COL19A1: variants seen among roughly 807,000 people sequenced by gnomAD.
COL19A1 encodes the protein collagen alpha-1(XIX) chain.
In COL19A1, 159 loss-of-function variants were observed where a neutral mutation model predicts 190.2. The observed-to-expected ratio is 0.84, with a 90% CI of 0.73 to 0.95. COL19A1 has a LOEUF of 0.95. Ranked by LOEUF, COL19A1 falls within the 40% of genes least tolerant of loss-of-function variation. The probability of loss-of-function intolerance (pLI) is 0.00; values close to 1 mark genes in which losing one functional copy is unlikely to be tolerated. For missense variants in COL19A1, 1,418 were observed against 1,431.9 expected, an observed-to-expected ratio of 0.99 and a Z score of 0.16; for synonymous variants, 509 against 458.9, an observed-to-expected ratio of 1.11 and a Z score of -1.39.
At chr6:69,942,044 G>T (rs892503378) in intron 9 of COL19A1, among the ~76,000 whole-genome samples, 2 of 152,062 alleles carry the variant, frequency 1.3e-5, no homozygotes, top group African/African-American at 2.4e-5. Context: ...AGATAATGTC[G>T]ATTAGAAGCC....
chr6:70,192,481 T>TTCTC lies in COL19A1; in HGVS notation c.3094+2110_3094+2113dup, dbSNP rs35629398. 5.2e-4 allele frequency among the ~76,000 whole-genome samples: 79 copies of TTCTC among 150,990 alleles called. 1 individual carries two copies. In the South Asian group the frequency reaches 0.015, roughly 29 times the overall value. ...TCTTTCTTCTTCTTTCTTTCTTTAT[T>TTCTC]TCTCTCTCTCTCTTTCTTTCTTTGT... On this transcript the variant is annotated intron_variant, in intron 48 of 50. Transcript: ENST00000620364.
chr6:70,163,242 C>A, intron 35 of COL19A1, 101 bp from the exon 36 acceptor site: 2 of 1,022,752 alleles, frequency 2.0e-6, no homozygotes, highest in African/African-American at 1.6e-5. Flanking sequence ...TAATTAGGAT[C>A]AAATGACCTT....
chr6:70,134,959 G>A (rs562141040), intron 18 of COL19A1, among the ~76,000 whole-genome samples: 33 of 140,060 alleles, frequency 2.4e-4, no homozygotes, highest in Non-Finnish European at 4.7e-4. Flanking sequence ...TATGCCAATC[G>A]AAAGCCCCGT....
intron 11 of COL19A1, among the ~76,000 whole-genome samples, chr6:69,977,725 G>T (rs1274171473): frequency 6.6e-6 from 1 of 152,074 alleles, no homozygotes; most frequent in African/African-American, 2.4e-5. Context: ...TCCAGTGGAG[G>T]ATAATAGATG....
chr6:70,205,287 A>T (rs1015502877), intron 49 of COL19A1, among the ~76,000 whole-genome samples: 5 of 152,244 alleles, frequency 3.3e-5, no homozygotes, highest in Non-Finnish European at 5.9e-5. Flanking sequence ...TCAGATAATA[A>T]TGTGTACATT....
intron 2 of COL19A1, among the ~76,000 whole-genome samples, chr6:69,888,421 C>T (rs12203079): frequency 6.6e-6 from 1 of 151,804 alleles, no homozygotes; most frequent in Non-Finnish European, 1.5e-5. Context: ...TTAACTCTTT[C>T]TAGTTTGAAG....
At chr6:69,922,088 T>C (rs1430503249) in intron 4 of COL19A1, among the ~76,000 whole-genome samples, 1 of 152,018 alleles carries the variant, frequency 6.6e-6, no homozygotes. Flanking sequence ...TCACGTTAAG[T>C]GTTTGTGCTT....
chr6:70,173,014 C>G (rs557904064), intron 41 of COL19A1, among the ~76,000 whole-genome samples: 26 of 152,272 alleles, frequency 1.7e-4, no homozygotes, highest in African/African-American at 6.0e-4. Context: ...AGATTGATTG[C>G]ATTATTAGAG....
At chr6:69,968,476 T>A (rs922835742) in intron 11 of COL19A1, among the ~76,000 whole-genome samples, 5 of 152,126 alleles carry the variant, frequency 3.3e-5, no homozygotes, top group African/African-American at 1.2e-4. Context: ...CAGCAGAAAT[T>A]AGATAATCAG....
intron 1 of COL19A1, among the ~76,000 whole-genome samples, chr6:69,872,855 G>C (rs761783601): frequency 1.3e-5 from 2 of 152,166 alleles, no homozygotes; most frequent in Non-Finnish European, 2.9e-5. Context: ...GTAGCACTGG[G>C]GAACTCTGGG....
Position 70,208,803 on chromosome 6 carries a change from G to C in COL19A1, c.*1529G>C, listed in dbSNP as rs1341945200. The C allele has an allele frequency of 6.6e-6, 1 of 152,656 alleles. No individual in the cohort carries two copies. The highest frequency in any genetic ancestry group is 2.4e-5 in the African/African-American group (1 of 41,462). 9.5% of individuals were successfully genotyped at this position (152,656 alleles called of 1,614,324 possible). A position where few individuals can be genotyped will look rare whatever the true frequency, so the allele number is the denominator to read the frequency against. ...CTGACATTGGAAAAAGCTGTGAACA[G>C]AGTTGTGTCTGAGGAATGTGCCTAA... On this transcript the variant is annotated 3_prime_UTR_variant, in exon 51 of 51. Coordinates refer to ENST00000620364, the MANE Select transcript of COL19A1 (RefSeq NM_001858.6).
Position 70,188,078 on chromosome 6 carries a change from G to A in COL19A1, c.2860G>A (p.Asp954Asn). ...GDRGPKGERG[D>N]QGIPGDRGSQ... is the part of the protein sequence containing the mutation. The stretch of plus-strand genomic sequence containing the variant: ...GTTATTATTTTTTCCTTAACAGGGT[G>A]ATCAGGGGATTCCAGGAGACAGAGG... The change falls in exon 47 of 51, where the codon GAT (aspartate) becomes AAT (asparagine). Residue 954 changes from aspartate to asparagine, a missense_variant. Physicochemically the swap from Asp to Asn is conservative, Grantham distance 23. Coordinates refer to ENST00000620364, the MANE Select transcript of COL19A1 (RefSeq NM_001858.6). The A allele has an allele frequency of 1.9e-6, 3 of 1,613,430 alleles. No individual in the cohort carries two copies. The South Asian group carries it at 3.3e-5, about 18-fold the overall frequency.
chr6:70,091,559 T>TAA (rs55829375), intron 15 of COL19A1, among the ~76,000 whole-genome samples: 95,734 of 151,802 alleles, frequency 0.63, 30,485 homozygotes, highest in South Asian at 0.71. Flanking sequence ...GGTGAACAAA[T>TAA]AGAGTTTAAA....
At chr6:70,154,780 A>G (rs902228931) in intron 31 of COL19A1, among the ~76,000 whole-genome samples, 7 of 152,188 alleles carry the variant, frequency 4.6e-5, no homozygotes, top group African/African-American at 9.6e-5. Flanking sequence ...TAAGTCTGAG[A>G]GTCCAAAGCT....
At chr6:70,136,078 A>G (rs1785849980) in intron 18 of COL19A1, among the ~76,000 whole-genome samples, 1 of 152,204 alleles carries the variant, frequency 6.6e-6, no homozygotes, top group Admixed American at 6.5e-5. Flanking sequence ...CAGTTATACT[A>G]TCACATGAGG....
intron 16 of COL19A1, among the ~76,000 whole-genome samples, chr6:70,106,982 A>T (rs1784015336): frequency 1.3e-5 from 2 of 152,232 alleles, no homozygotes; most frequent in African/African-American, 4.8e-5. Context: ...TATTACCATC[A>T]CGAGCTCTGC....
At chr6:70,051,347 A>G (rs1417199833) in intron 14 of COL19A1, among the ~76,000 whole-genome samples, 3 of 152,150 alleles carry the variant, frequency 2.0e-5, no homozygotes, top group African/African-American at 7.2e-5. Flanking sequence ...CCACAGTTTC[A>G]TCAATCCTGG....
chr6:69,926,755 T>G (rs546931080), intron 4 of COL19A1, among the ~76,000 whole-genome samples: 2 of 152,102 alleles, frequency 1.3e-5, no homozygotes, highest in Non-Finnish European at 2.9e-5. Context: ...TATTAACTTA[T>G]ACATTCAGGA....
At position 70,144,281 on chromosome 6, in the gene COL19A1, CTCAT is replaced by C; in HGVS notation, c.1680+20_1680+23del. The C allele has an allele frequency of 6.2e-7, 1 of 1,601,020 alleles. No homozygotes were observed. The highest frequency in any genetic ancestry group is 8.5e-7 in the Non-Finnish European group (1 of 1,171,656). On this transcript the variant is annotated intron_variant, in intron 24 of 50. Coordinates refer to ENST00000620364, the MANE Select transcript of COL19A1 (RefSeq NM_001858.6). ...GAGAAAAGGTATAGTTTACATTTTC[CTCAT>C]TTTATATGTTAAGTAGATAGGAGGA...
Sources: gnomAD v4.1 joint callset for allele counts (sites outside exome capture counted in the v4.1 genomes callset) on GRCh38, gnomAD v4.1.1 for gene constraint, MANE v1.5 for transcripts, NCBI Gene and HGNC (gene_info 2026-07-23, HGNC 2026-07-21) for gene names.